Variants in ARID3A observed in about 807,000 individuals in gnomAD.
ARID3A encodes the protein AT-rich interaction domain 3A.
ARID3A carries 11 observed loss-of-function variants against 52.7 expected under a neutral mutation model. The ratio of observed to expected loss-of-function variants is 0.21; its 90% CI spans 0.13 to 0.35. The LOEUF is 0.35. Ranked by LOEUF, ARID3A falls within the 10% of genes least tolerant of loss-of-function variation. The pLI, the probability that ARID3A is intolerant of heterozygous loss-of-function variation, is 1.00. For missense variants in ARID3A, 721 were observed against 838.5 expected, an observed-to-expected ratio of 0.86 and a Z score of 1.73; for synonymous variants, 404 against 359.4, an observed-to-expected ratio of 1.12 and a Z score of -1.40.
intron 3 of ARID3A, among the ~76,000 whole-genome samples, chr19:933,592 CG>C (rs1334885850): frequency 6.6e-6 from 1 of 152,128 alleles, no homozygotes; most frequent in Non-Finnish European, 1.5e-5. Flanking sequence ...ATGCCTGCCT[CG>C]GGGCAGCCCC....
intron 3 of ARID3A, among the ~76,000 whole-genome samples, chr19:948,397 C>T (rs1295401006): frequency 6.6e-6 from 1 of 152,146 alleles, no homozygotes; most frequent in Non-Finnish European, 1.5e-5. Flanking sequence ...ACGGGAAAAA[C>T]AGCGAGATTC....
Position 975,115 on chromosome 19 carries a change from G to A in ARID3A, c.*3050G>A, listed in dbSNP as rs930872015. The A allele has an allele frequency of 4.3e-5, 10 of 231,358 alleles. No homozygotes were observed. The highest frequency in any genetic ancestry group is 2.0e-4 in the African/African-American group (9 of 45,146). The allele number at this position is 231,358 out of a possible 1,614,324, so 14.3% of individuals were successfully genotyped here. ...GGGTTTAAATTCGGTGTGGCTTTCT[G>A]GGGTGCAGCTCAGCACCCCCCCTTA... On this transcript the variant is annotated 3_prime_UTR_variant, in exon 9 of 9. Coordinates refer to ENST00000263620, the MANE Select transcript of ARID3A (RefSeq NM_005224.3).
In ARID3A at chr19:959,963, C is replaced by T. The variant is rs909948973; in HGVS notation, c.694-129C>T. On this transcript the variant is annotated intron_variant, in intron 3 of 8. Transcript: ENST00000263620. This position sits in a 1 kb window ranked among gnomAD's most constrained non-coding sequence, Gnocchi z 5.0. ...CCAGCGGGGTCTTCGGCTCTGGCAG[C>T]GGCTTGAGGGTCCTAGGGGTGGTGA... The T allele has an allele frequency of 5.3e-5, 34 of 641,344 alleles. No homozygotes were observed. The highest frequency in any genetic ancestry group is 5.4e-4 in the Middle Eastern group (2 of 3,672). The allele number at this position is 641,344 out of a possible 1,614,324, so 39.7% of individuals were successfully genotyped here.
chr19:960,329 C>T lies in ARID3A; in HGVS notation c.766+165C>T, dbSNP rs1180660519. Among the ~76,000 whole-genome samples the T allele has an allele frequency of 6.6e-6, 1 of 152,106 alleles. No individual in the cohort carries two copies. Among genetic ancestry groups the T allele is most frequent in the African/African-American group, 2.4e-5 (1 of 41,410 alleles). Reference sequence around the variant, plus strand: ...ACTTCAGGGGTGTCTTGGGGGGAAACACATCCTGCCATGGAGGTTTGACGC... The same window carrying T: ...ACTTCAGGGGTGTCTTGGGGGGAAATACATCCTGCCATGGAGGTTTGACGC... On this transcript the variant is annotated intron_variant, in intron 4 of 8. Coordinates refer to ENST00000263620, the MANE Select transcript of ARID3A (RefSeq NM_005224.3). The surrounding 1 kb of genome is among the most constrained non-coding windows in gnomAD (Gnocchi z 4.3).
At position 964,968 on chromosome 19, in the gene ARID3A, G is replaced by T. The variant is rs374271087; in HGVS notation, c.1086G>T (p.Ser362=). 1.2e-6 allele frequency: 2 copies of T among 1,613,780 alleles called. No homozygotes were observed. Among genetic ancestry groups the T allele is most frequent in the African/African-American group, 1.3e-5 (1 of 75,012 alleles). ...QSFGGSLFAY[S]PGGAHGMLSS... ...TTGGTGGCTCCCTCTTTGCCTACTC[G>T]CCAGGCGGGGCACACGGCATGCTCT... The change falls in exon 6 of 9, where the codon TCG becomes TCT. Residue 362 remains serine, a synonymous_variant. Transcript: ENST00000263620. This position sits in a 1 kb window ranked among gnomAD's most constrained non-coding sequence, Gnocchi z 5.7.
chr19:955,454 C>T (rs1021469058), intron 3 of ARID3A, among the ~76,000 whole-genome samples: 1 of 152,224 alleles, frequency 6.6e-6, no homozygotes. Flanking sequence ...GACCGTGCCT[C>T]GCCACCGGCC....
intron 3 of ARID3A, among the ~76,000 whole-genome samples, chr19:943,214 T>A (rs2037593782): frequency 6.9e-6 from 1 of 144,088 alleles, no homozygotes; most frequent in Admixed American, 7.2e-5. Flanking sequence ...TGAGCTATAG[T>A]GGCACGACTG....
In ARID3A at chr19:972,988, A is replaced by G. The variant is rs374889700; in HGVS notation, c.*923A>G. On this transcript the variant is annotated 3_prime_UTR_variant, in exon 9 of 9. Coordinates refer to ENST00000263620, the MANE Select transcript of ARID3A (RefSeq NM_005224.3). ...TGGGCCGGGCTGGGGCAGAGGGTGC[A>G]TGCTGGGGTCCCACCGGCCAGGGGC... 3.4e-5 allele frequency: 7 copies of G among 204,964 alleles called. No homozygotes were observed. The highest frequency in any genetic ancestry group is 1.4e-4 in the African/African-American group (6 of 43,360). 12.7% of individuals were successfully genotyped at this position (204,964 alleles called of 1,614,324 possible).
At chr19:958,475 G>C (rs1432639948) in intron 3 of ARID3A, among the ~76,000 whole-genome samples, 27 of 151,626 alleles carry the variant, frequency 1.8e-4, no homozygotes, top group Admixed American at 1.8e-3. Flanking sequence ...AAGAGGACAG[G>C]TTCAAGCACT....
rs2037582362 is a variant in ARID3A, at chr19:942,692, C to T, written c.693+9950C>T. On this transcript the variant is annotated intron_variant, in intron 3 of 8. Coordinates refer to ENST00000263620, the MANE Select transcript of ARID3A (RefSeq NM_005224.3). The surrounding 1 kb of genome is among the most constrained non-coding windows in gnomAD (Gnocchi z 8.1). Reference sequence around the variant, plus strand: ...CGCAGGCCCTGGTTCTGGCCAGGCTCAGGAAGTGAGCTCCCTGGGGACCCA... The same window carrying T: ...CGCAGGCCCTGGTTCTGGCCAGGCTTAGGAAGTGAGCTCCCTGGGGACCCA... Among the ~76,000 whole-genome samples the T allele has an allele frequency of 6.6e-6, 1 of 152,168 alleles. No homozygotes were observed. The highest frequency in any genetic ancestry group is 2.1e-4 in the South Asian group (1 of 4,826).
At chr19:969,532 G>A (rs954271756) in intron 8 of ARID3A, among the ~76,000 whole-genome samples, 6 of 151,478 alleles carry the variant, frequency 4.0e-5, no homozygotes, top group African/African-American at 1.5e-4. Context: ...GTGAGATCCC[G>A]TCCTTCTCTC....
rs1251759998 is a variant in ARID3A, at chr19:963,008, C to A, written c.767-1240C>A. On this transcript the variant is annotated intron_variant, in intron 4 of 8. Transcript: ENST00000263620. ...CCGTCTTCCTCCAACCTGGGATCTC[C>A]TCCATTCACTGGGGGTTTTGCAACC... Among the ~76,000 whole-genome samples the A allele has an allele frequency of 2.0e-5, 3 of 152,200 alleles. No individual in the cohort carries two copies. The East Asian group carries it at 5.8e-4, about 29-fold the overall frequency.
chr19:938,878 AT>A lies in ARID3A; in HGVS notation c.693+6139del, dbSNP rs1485154842. On this transcript the variant is annotated intron_variant, in intron 3 of 8. Coordinates refer to ENST00000263620, the MANE Select transcript of ARID3A (RefSeq NM_005224.3). This position sits in a 1 kb window ranked among gnomAD's most constrained non-coding sequence, Gnocchi z 4.0. Reference sequence around the variant, plus strand: ...GGTCTTTTTTTGGTCTTTTCAGCTCATTTGTTTTTTTTAATTGTGGAAAATA... The same window carrying A: ...GGTCTTTTTTTGGTCTTTTCAGCTCATTGTTTTTTTTAATTGTGGAAAATA... Among the ~76,000 whole-genome samples the A allele has an allele frequency of 6.8e-6, 1 of 146,508 alleles. No homozygotes were observed. The highest frequency in any genetic ancestry group is 1.5e-5 in the Non-Finnish European group (1 of 66,670).
chr19:964,974 C>T lies in ARID3A; in HGVS notation c.1092C>T (p.Gly364=), dbSNP rs137872700. Residue 364 remains glycine (G), a synonymous_variant, in exon 6 of 9, where the codon GGC becomes GGT. Transcript: ENST00000263620. This position sits in a 1 kb window ranked among gnomAD's most constrained non-coding sequence, Gnocchi z 5.7. ...FGGSLFAYSP[G]GAHGMLSSPK... is the part of the protein sequence containing the mutation. ...GCTCCCTCTTTGCCTACTCGCCAGG[C>T]GGGGCACACGGCATGCTCTCCTCAC... is the stretch of plus-strand genomic sequence containing the variant. 4.2e-5 allele frequency: 67 copies of T among 1,613,638 alleles called. No homozygotes were observed. The highest frequency in any genetic ancestry group is 2.3e-4 in the South Asian group (21 of 91,088).
intron 3 of ARID3A, among the ~76,000 whole-genome samples, chr19:953,697 G>T (rs377190801): frequency 1.9e-4 from 29 of 152,302 alleles, no homozygotes; most frequent in South Asian, 6.2e-4. Context: ...GGCAGGAGCC[G>T]AGCGGGGACC....
At position 965,976 on chromosome 19, in the gene ARID3A, A is replaced by G. The variant is rs1170496972; in HGVS notation, c.1199-596A>G. Among the ~76,000 whole-genome samples the G allele has an allele frequency of 5.8e-5, 8 of 138,330 alleles. No individual in the cohort carries two copies. The East Asian group carries it at 1.7e-3, about 29-fold the overall frequency. 90.7% of individuals were successfully genotyped at this position (138,330 alleles called of 152,430 possible). On this transcript the variant is annotated intron_variant, in intron 6 of 8. Transcript: ENST00000263620. Reference sequence around the variant, plus strand: ...CACTGCATTCCAGCCTCAGCGACAGAGTGAGACTCCGTGTCAAAAAAAAAA... The same window carrying G: ...CACTGCATTCCAGCCTCAGCGACAGGGTGAGACTCCGTGTCAAAAAAAAAA...
chr19:966,090 GGCAGAGGTT>G (rs1458032561), intron 6 of ARID3A, among the ~76,000 whole-genome samples: 2 of 151,856 alleles, frequency 1.3e-5, no homozygotes, highest in African/African-American at 4.8e-5. Context: ...GAGCCTGAGA[GGCAGAGGTT>G]GCAGTGAGCT....
rs551617396 is a variant in ARID3A at position 936,060 on chromosome 19, G to A, written c.693+3318G>A. Among the ~76,000 whole-genome samples the A allele has an allele frequency of 2.0e-5, 3 of 152,368 alleles. No homozygotes were observed. In the East Asian group the frequency reaches 5.8e-4, roughly 29 times the overall value. ...CTGCCTCGGCCTCCCAAAGCGCTGG[G>A]ATTAAAGGCGTGAGCCACCGCGCCC... On this transcript the variant is annotated intron_variant, in intron 3 of 8. Transcript: ENST00000263620.
rs528782328 is a variant in ARID3A, at chr19:967,734, G to A, written c.1496-671G>A. The stretch of plus-strand genomic sequence containing the variant: ...AGACAGAAAACAGAACATGTCACAG[G>A]TGTCTTTATGATCAGAAATGGCAGT... On this transcript the variant is annotated intron_variant, in intron 7 of 8. Coordinates refer to ENST00000263620, the MANE Select transcript of ARID3A (RefSeq NM_005224.3). Among the ~76,000 whole-genome samples the A allele has an allele frequency of 3.2e-4, 49 of 152,310 alleles. No individual in the cohort carries two copies. The South Asian group carries it at 0.01, about 32-fold the overall frequency.
Sources: allele counts gnomAD v4.1 joint callset (sites outside exome capture counted in the v4.1 genomes callset), GRCh38; gene constraint gnomAD v4.1.1; non-coding constraint Gnocchi (gnomAD v3.1); transcripts MANE v1.5; gene names NCBI Gene and HGNC (gene_info 2026-07-23, HGNC 2026-07-21).